STAG1: variants seen among roughly 807,000 people sequenced by gnomAD.
The protein encoded by STAG1 is STAG1 cohesin complex component.
STAG1 carries 26 observed loss-of-function variants against 170.9 expected under a neutral mutation model. The observed-to-expected ratio is 0.15, with a 90% CI of 0.11 to 0.21. The LOEUF (loss-of-function observed/expected upper bound fraction) is 0.21. Among genes scored for constraint, STAG1 ranks in the 10% least tolerant of loss-of-function variants. The pLI, the probability that STAG1 is intolerant of heterozygous loss-of-function variation, is 1.00. For missense variants in STAG1, 964 were observed against 1,509.5 expected, an observed-to-expected ratio of 0.64 and a Z score of 5.99; for synonymous variants, 514 against 497.7, an observed-to-expected ratio of 1.03 and a Z score of -0.44.
At chr3:136,536,029 C>T (rs1261889584) in intron 6 of STAG1, among the ~76,000 whole-genome samples, 1 of 152,068 alleles carries the variant, frequency 6.6e-6, no homozygotes, top group Non-Finnish European at 1.5e-5. Flanking sequence ...TTTCAAATTA[C>T]CAGCATGTAA....
chr3:136,686,440 A>G (rs533912197), intron 1 of STAG1, among the ~76,000 whole-genome samples: 1 of 152,288 alleles, frequency 6.6e-6, no homozygotes, highest in Admixed American at 6.5e-5. Flanking sequence ...ACAAAAGGAA[A>G]AACCCTCATG....
chr3:136,670,992 AG>A (rs1941963706), intron 1 of STAG1, among the ~76,000 whole-genome samples: 1 of 152,076 alleles, frequency 6.6e-6, no homozygotes, highest in African/African-American at 2.4e-5. Flanking sequence ...TCTCTTTAAA[AG>A]GAAAGTACCG....
chr3:136,478,326 GTAA>G (rs2107823679), intron 9 of STAG1, among the ~76,000 whole-genome samples: 1 of 152,232 alleles, frequency 6.6e-6, no homozygotes, highest in South Asian at 2.1e-4. Context: ...CTCACCATAA[GTAA>G]GCATCCAATA....
intron 28 of STAG1, among the ~76,000 whole-genome samples, chr3:136,355,630 C>T (rs896498528): frequency 2.6e-5 from 4 of 152,190 alleles, no homozygotes; most frequent in Middle Eastern, 3.4e-3. Flanking sequence ...AGAATGGTAA[C>T]ACATTTTGTC....
intron 1 of STAG1, among the ~76,000 whole-genome samples, chr3:136,665,341 G>T (rs902294070): frequency 6.6e-6 from 1 of 152,110 alleles, no homozygotes; most frequent in Non-Finnish European, 1.5e-5. Flanking sequence ...CTGTGGCTAG[G>T]CAAGATTTAG....
intron 3 of STAG1, among the ~76,000 whole-genome samples, chr3:136,619,223 G>A (rs1335131825): frequency 1.3e-5 from 2 of 150,678 alleles, no homozygotes; most frequent in Non-Finnish European, 3.0e-5. Flanking sequence ...AGGGGGTGGG[G>A]CAGTGCTTAT....
chr3:136,492,265 T>C (rs1394600150), intron 9 of STAG1, among the ~76,000 whole-genome samples: 1 of 152,248 alleles, frequency 6.6e-6, no homozygotes, highest in Admixed American at 6.5e-5. Flanking sequence ...TCAGTCAGGC[T>C]ATGACAGATC....
At chr3:136,562,585 A>G (rs552208189) in intron 5 of STAG1, among the ~76,000 whole-genome samples, 23 of 147,302 alleles carry the variant, frequency 1.6e-4, no homozygotes, top group African/African-American at 5.0e-4. Context: ...AGTTTGAGTC[A>G]TTTCTTTTTT....
intron 1 of STAG1, among the ~76,000 whole-genome samples, chr3:136,710,680 A>C (rs773250330): frequency 1.3e-5 from 2 of 152,210 alleles, no homozygotes; most frequent in Non-Finnish European, 2.9e-5. Flanking sequence ...TTTGCCAAGA[A>C]GAAAAATCTA....
intron 16 of STAG1, among the ~76,000 whole-genome samples, chr3:136,427,053 C>T (rs936447052): frequency 1.4e-5 from 2 of 146,390 alleles, no homozygotes; most frequent in African/African-American, 5.1e-5. Flanking sequence ...GAGCGAGACT[C>T]GTCTCTTAAA....
At chr3:136,516,902 C>A (rs935896884) in intron 7 of STAG1, among the ~76,000 whole-genome samples, 1 of 152,158 alleles carries the variant, frequency 6.6e-6, no homozygotes, top group Non-Finnish European at 1.5e-5. Flanking sequence ...CAGACAGGCA[C>A]GCCAGAACCC....
intron 9 of STAG1, among the ~76,000 whole-genome samples, chr3:136,499,188 T>C (rs1006816195): frequency 6.6e-6 from 1 of 152,182 alleles, no homozygotes; most frequent in African/African-American, 2.4e-5. Flanking sequence ...TATGTGTGTA[T>C]TTCTTTGTTT....
chr3:136,373,550 C>T (rs1470951826), intron 23 of STAG1, among the ~76,000 whole-genome samples: 1 of 152,024 alleles, frequency 6.6e-6, no homozygotes, highest in African/African-American at 2.4e-5. Flanking sequence ...TATGTTGTGT[C>T]TTTGTTCTCG....
chr3:136,600,412 A>G (rs1043159545), intron 4 of STAG1, among the ~76,000 whole-genome samples: 2 of 152,226 alleles, frequency 1.3e-5, no homozygotes, highest in African/African-American at 4.8e-5. Flanking sequence ...CTGGCTATAA[A>G]GCATATGCTT....
chr3:136,402,184 T>G (rs1434983864), intron 21 of STAG1, among the ~76,000 whole-genome samples: 1 of 151,978 alleles, frequency 6.6e-6, no homozygotes, highest in African/African-American at 2.4e-5. Flanking sequence ...CAGGAACTAG[T>G]TGAGAGTTAG....
chr3:136,441,560 CTTGT>C lies in STAG1; in HGVS notation c.1546+1723_1546+1726del, dbSNP rs569227420. Among the ~76,000 whole-genome samples the C allele has an allele frequency of 3.3e-5, 5 of 152,262 alleles. No homozygotes were observed. In the South Asian group the frequency reaches 1.0e-3, roughly 31 times the overall value. ...AGCATGTATCTGGGTTTAACACAAA[CTTGT>C]TTGTCTCAATGAATTATGTCAAAGC... On this transcript the variant is annotated intron_variant, in intron 15 of 33. Transcript: ENST00000383202.
chr3:136,565,097 G>GA (rs1240961153), intron 5 of STAG1, among the ~76,000 whole-genome samples: 2 of 76,580 alleles, frequency 2.6e-5, no homozygotes, highest in Non-Finnish European at 5.7e-5. Flanking sequence ...AGGGAGGAAA[G>GA]GAAAGAGAAA....
At chr3:136,429,754 A>G (rs2088238955) in intron 16 of STAG1, among the ~76,000 whole-genome samples, 1 of 152,192 alleles carries the variant, frequency 6.6e-6, no homozygotes, top group Non-Finnish European at 1.5e-5. Context: ...TGCTTCTGCC[A>G]CTGGAGACAG....
chr3:136,602,602 G>A (rs1354834569), intron 4 of STAG1, among the ~76,000 whole-genome samples: 1 of 152,052 alleles, frequency 6.6e-6, no homozygotes, highest in East Asian at 1.9e-4. Context: ...TGTAATCCCA[G>A]CACTTTGGAA....
Sources: allele counts gnomAD v4.1 joint callset (sites outside exome capture counted in the v4.1 genomes callset), GRCh38; gene constraint gnomAD v4.1.1; transcripts MANE v1.5; gene names NCBI Gene and HGNC (gene_info 2026-07-23, HGNC 2026-07-21).